Variants in CSMD1 observed in about 807,000 individuals in gnomAD.
The protein encoded by CSMD1 is CUB and sushi domain-containing protein 1.
A neutral mutation model predicts 417.5 loss-of-function variants in CSMD1; 213 were observed. The observed-to-expected ratio is 0.51, with a 90% CI of 0.46 to 0.57. CSMD1 has a LOEUF of 0.57. Among genes scored for constraint, CSMD1 ranks in the 20% least tolerant of loss-of-function variants. CSMD1 has a pLI of 0.00. For missense variants in CSMD1, 6,923 were observed against 4,529.7 expected, an observed-to-expected ratio of 1.53 and a Z score of -15.17; for synonymous variants, 2,862 against 1,736.8, an observed-to-expected ratio of 1.65 and a Z score of -16.11.
At chr8:3,753,896 T>G (rs763849900) in intron 6 of CSMD1, 34 bp downstream of exon 6, 1 of 1,360,792 alleles carries the variant, frequency 7.3e-7, no homozygotes, top group Admixed American at 1.9e-5. Context: ...TACGCTCTGT[T>G]TTTTTTTTTT....
intron 64 of CSMD1, among the ~76,000 whole-genome samples, chr8:2,955,208 T>C (rs1212769042): frequency 2.6e-5 from 4 of 152,246 alleles, no homozygotes; most frequent in Non-Finnish European, 5.9e-5. Flanking sequence ...CTCGGATACT[T>C]GGTGACCTTT....
chr8:3,034,691 C>G (rs1054820467), intron 50 of CSMD1, among the ~76,000 whole-genome samples: 1 of 152,044 alleles, frequency 6.6e-6, no homozygotes, highest in African/African-American at 2.4e-5. Flanking sequence ...CTGTTATGTT[C>G]TTACTTTGTT....
chr8:4,421,173 T>A (rs925171998), intron 2 of CSMD1, among the ~76,000 whole-genome samples: 9 of 152,314 alleles, frequency 5.9e-5, no homozygotes, highest in African/African-American at 2.2e-4. Context: ...AAGACACTGC[T>A]TTGTACTTTA....
At chr8:4,121,898 C>T (rs924875128) in intron 3 of CSMD1, among the ~76,000 whole-genome samples, 3 of 151,932 alleles carry the variant, frequency 2.0e-5, no homozygotes, top group Non-Finnish European at 4.4e-5. Context: ...CTCTCAGATA[C>T]CAACTCATGA....
chr8:3,886,070 A>G (rs1289494333), intron 5 of CSMD1, among the ~76,000 whole-genome samples: 1 of 151,736 alleles, frequency 6.6e-6, no homozygotes, highest in Non-Finnish European at 1.5e-5. Flanking sequence ...TATTTTTTTG[A>G]GACAGACTCT....
At chr8:4,754,543 TG>T (rs1412108511) in intron 1 of CSMD1, among the ~76,000 whole-genome samples, 1 of 133,178 alleles carries the variant, frequency 7.5e-6, no homozygotes, top group Non-Finnish European at 1.6e-5. Flanking sequence ...CTGCACACTT[TG>T]TTTTTTTTTT....
At chr8:4,983,501 T>TGAAAAATCAGCAAGCAA (rs1811008121) in intron 1 of CSMD1, among the ~76,000 whole-genome samples, 1 of 152,272 alleles carries the variant, frequency 6.6e-6, no homozygotes, top group South Asian at 2.1e-4. Context: ...AACAAATGAA[T>TGAAAAATCAGCAAGCAA]GAAAAATCAG....
At chr8:4,397,789 C>T (rs1237604176) in intron 3 of CSMD1, among the ~76,000 whole-genome samples, 1 of 151,982 alleles carries the variant, frequency 6.6e-6, no homozygotes, top group Non-Finnish European at 1.5e-5. Context: ...TGACATGTAT[C>T]TCAATATTAC....
intron 3 of CSMD1, among the ~76,000 whole-genome samples, chr8:4,393,109 G>A (rs1187754785): frequency 6.6e-6 from 1 of 152,214 alleles, no homozygotes; most frequent in Non-Finnish European, 1.5e-5. Context: ...CCGAGTAGCT[G>A]GGATTACAGG....
At chr8:4,708,128 A>T (rs1393288719) in intron 1 of CSMD1, among the ~76,000 whole-genome samples, 3 of 151,576 alleles carry the variant, frequency 2.0e-5, no homozygotes, top group South Asian at 2.1e-4. Flanking sequence ...ATTTTTTTTT[A>T]TTTTTTTGTA....
chr8:4,766,953 T>G (rs564291466), intron 1 of CSMD1, among the ~76,000 whole-genome samples: 58 of 152,276 alleles, frequency 3.8e-4, no homozygotes, highest in Non-Finnish European at 6.0e-4. Flanking sequence ...TTTGACTGAG[T>G]TAAGATAAGA....
intron 21 of CSMD1, among the ~76,000 whole-genome samples, chr8:3,356,554 A>G (rs1808805305): frequency 6.6e-6 from 1 of 152,212 alleles, no homozygotes; most frequent in South Asian, 2.1e-4. Flanking sequence ...ATGTGCCTGT[A>G]GTCCCAGCAA....
At chr8:3,493,772 C>G (rs1465260729) in intron 10 of CSMD1, 46 bp from the exon 11 acceptor site, 3 of 1,508,514 alleles carry the variant, frequency 2.0e-6, no homozygotes, top group Non-Finnish European at 2.7e-6. Context: ...CAGGTACTTC[C>G]CATGACTTTT....
chr8:3,755,283 T>G (rs1407186922), intron 5 of CSMD1, among the ~76,000 whole-genome samples: 1 of 152,208 alleles, frequency 6.6e-6, no homozygotes, highest in Non-Finnish European at 1.5e-5. Flanking sequence ...TATGAACCTC[T>G]GTTACCCATT....
chr8:4,222,444 A>T (rs1260102379), intron 3 of CSMD1, among the ~76,000 whole-genome samples: 1 of 151,960 alleles, frequency 6.6e-6, no homozygotes, highest in Non-Finnish European at 1.5e-5. Flanking sequence ...GTCTTTGTGC[A>T]TTGTGTAGTA....
intron 25 of CSMD1, among the ~76,000 whole-genome samples, chr8:3,295,420 C>T (rs62504372): frequency 0.17 from 26,271 of 152,070 alleles, 2,849 homozygotes; most frequent in Non-Finnish European, 0.25. Context: ...GCCACTGAGC[C>T]CAGCCTCAAT....
At chr8:3,873,074 G>C (rs935224483) in intron 5 of CSMD1, among the ~76,000 whole-genome samples, 1 of 152,014 alleles carries the variant, frequency 6.6e-6, no homozygotes, top group African/African-American at 2.4e-5. Context: ...CAAGGTTGCA[G>C]ATAAAATGGA....
intron 3 of CSMD1, among the ~76,000 whole-genome samples, chr8:4,353,877 G>A (rs1035367343): frequency 6.6e-6 from 1 of 152,126 alleles, no homozygotes; most frequent in Non-Finnish European, 1.5e-5. Flanking sequence ...TACAGCAATA[G>A]TGCCAGGGAA....
At chr8:4,948,482 T>G (rs1808516631) in intron 1 of CSMD1, among the ~76,000 whole-genome samples, 1 of 152,070 alleles carries the variant, frequency 6.6e-6, no homozygotes, top group African/African-American at 2.4e-5. Context: ...TGTCTGCATT[T>G]ATTTAGATTG....
Sources: allele counts gnomAD v4.1 joint callset (sites outside exome capture counted in the v4.1 genomes callset), GRCh38; gene constraint gnomAD v4.1.1; transcripts MANE v1.5; gene names NCBI Gene and HGNC (gene_info 2026-07-23, HGNC 2026-07-21).